The following MBNL2 variants were observed in gnomAD, a reference collection of about 807,000 sequenced individuals.
MBNL2 encodes the protein muscleblind like splicing regulator 2, also known as muscleblind-like protein 2.
Under a neutral mutation model 41.9 loss-of-function variants are expected in MBNL2, and 17 were observed. That is an observed-to-expected ratio of 0.41 (90% CI 0.28 to 0.61). The LOEUF (loss-of-function observed/expected upper bound fraction) is 0.61. Ranked by LOEUF, MBNL2 falls within the 20% of genes least tolerant of loss-of-function variation. MBNL2 has a pLI of 0.35. For synonymous variants in MBNL2, 195 were observed against 182.9 expected (o/e 1.07, Z -0.53); for missense variants, 336 against 505.6 (o/e 0.66, Z 3.22).
intron 2 of MBNL2, among the ~76,000 whole-genome samples, chr13:97,291,270 C>T (rs1218757920): frequency 6.6e-6 from 1 of 152,022 alleles, no homozygotes; most frequent in Admixed American, 6.5e-5. Context: ...GAGACAGAGT[C>T]TCACTCTGTT....
intron 2 of MBNL2, among the ~76,000 whole-genome samples, chr13:97,291,659 C>T (rs2056014234): frequency 6.6e-6 from 1 of 151,840 alleles, no homozygotes; most frequent in African/African-American, 2.4e-5. Context: ...ATTTGGGAAG[C>T]CGAGGTGGGC....
chr13:97,324,941 T>G (rs1037616146), intron 2 of MBNL2, among the ~76,000 whole-genome samples: 1 of 152,270 alleles, frequency 6.6e-6, no homozygotes, highest in African/African-American at 2.4e-5. Context: ...GCCGATTAGA[T>G]GGTGCCCACC....
chr13:97,306,600 T>C (rs1021523055), intron 2 of MBNL2, among the ~76,000 whole-genome samples: 1 of 152,252 alleles, frequency 6.6e-6, no homozygotes, highest in Non-Finnish European at 1.5e-5. Context: ...CCAGTGTGAC[T>C]GCCTGGGACA....
At chr13:97,322,460 T>C (rs967201063) in intron 2 of MBNL2, among the ~76,000 whole-genome samples, 1 of 152,178 alleles carries the variant, frequency 6.6e-6, no homozygotes, top group African/African-American at 2.4e-5. Context: ...ATGATGGGGT[T>C]ACATCAGAAA....
At chr13:97,271,451 A>C (rs1007051763) in intron 1 of MBNL2, among the ~76,000 whole-genome samples, 5 of 151,696 alleles carry the variant, frequency 3.3e-5, no homozygotes, top group African/African-American at 1.2e-4. Context: ...TTTCTAAAAA[A>C]AAACAAACAA....
At chr13:97,378,352 T>C (rs1460332737) in intron 8 of MBNL2, among the ~76,000 whole-genome samples, 1 of 152,232 alleles carries the variant, frequency 6.6e-6, no homozygotes, top group Admixed American at 6.5e-5. Flanking sequence ...TACTAACTTA[T>C]GTATGGTAAC....
At chr13:97,376,748 T>C (rs1043276960) in intron 8 of MBNL2, among the ~76,000 whole-genome samples, 10 of 152,170 alleles carry the variant, frequency 6.6e-5, no homozygotes, top group African/African-American at 2.4e-4. Context: ...CCAGCATCAA[T>C]TACATCATAG....
intron 3 of MBNL2, among the ~76,000 whole-genome samples, chr13:97,335,259 T>C (rs530728535): frequency 6.6e-6 from 1 of 152,272 alleles, no homozygotes; most frequent in South Asian, 2.1e-4. Context: ...CATTTACATT[T>C]GTGAATTATT....
chr13:97,197,671 G>C, the MBNL2 span, among the ~76,000 whole-genome samples: 1 of 152,078 alleles, frequency 6.6e-6, no homozygotes, highest in Non-Finnish European at 1.5e-5. Flanking sequence ...ATCTATGAAT[G>C]CATTACTACT....
At chr13:97,215,174 C>T in the MBNL2 span, among the ~76,000 whole-genome samples, 2 of 152,028 alleles carry the variant, frequency 1.3e-5, no homozygotes, top group Non-Finnish European at 2.9e-5. Flanking sequence ...CTTCAAATGC[C>T]CTTAGGCCTG....
intron 2 of MBNL2, among the ~76,000 whole-genome samples, chr13:97,300,806 G>A (rs1051290907): frequency 6.6e-6 from 1 of 152,176 alleles, no homozygotes; most frequent in African/African-American, 2.4e-5. Context: ...TTATAATCTG[G>A]TAGGAATTAT....
intron 2 of MBNL2, among the ~76,000 whole-genome samples, chr13:97,303,021 T>G (rs2057779709): frequency 6.6e-6 from 1 of 152,204 alleles, no homozygotes; most frequent in Admixed American, 6.5e-5. Context: ...GAGCAGGGAT[T>G]CGAACTGGGC....
chr13:97,276,178 G>A lies in MBNL2; in HGVS notation c.-58G>A. On this transcript the variant is annotated 5_prime_UTR_variant, in exon 2 of 9. Transcript: ENST00000679496. ...CACAACAGTAGTTTTGGAATCATTAGAACTTGGATTGATTTCATCATTTAA... is the reference window on the plus strand; with the variant it reads ...CACAACAGTAGTTTTGGAATCATTAAAACTTGGATTGATTTCATCATTTAA... 1.5e-6 allele frequency: 2 copies of A among 1,354,792 alleles called. No homozygotes were observed. The highest frequency in any genetic ancestry group is 2.4e-5 in the South Asian group (2 of 81,946). The allele number at this position is 1,354,792 out of a possible 1,614,324, so 83.9% of individuals were successfully genotyped here. A position where few individuals can be genotyped will look rare whatever the true frequency, so the allele number is the denominator to read the frequency against.
the MBNL2 span, among the ~76,000 whole-genome samples, chr13:97,152,662 C>T: frequency 6.6e-6 from 1 of 152,142 alleles, no homozygotes; most frequent in African/African-American, 2.4e-5. Context: ...ATTTCGAATA[C>T]ACTATTCTAT....
rs1162365611 is a variant in MBNL2 at position 97,287,828 on chromosome 13, TGATTCTCCTGCGTTCAAGC to T, written c.174+11431_174+11449del. Reference sequence around the variant, plus strand: ...GCAACCTCCGCCTCCTGGGTTCAAGTGATTCTCCTGCGTTCAAGCGATTCTCCTGCCTCAGCCTCCTGAG... The same window carrying T: ...GCAACCTCCGCCTCCTGGGTTCAAGTGATTCTCCTGCCTCAGCCTCCTGAG... On this transcript the variant is annotated intron_variant, in intron 2 of 8. Transcript: ENST00000679496. 3.8e-5 allele frequency among the ~76,000 whole-genome samples: 5 copies of T among 131,974 alleles called. 1 individual carries two copies. The highest frequency in any genetic ancestry group is 2.3e-4 in the Admixed American group (3 of 12,836). The allele number at this position is 131,974 out of a possible 152,430, so 86.6% of individuals were successfully genotyped here.
intron 1 of MBNL2, among the ~76,000 whole-genome samples, chr13:97,234,044 A>G (rs2042850020): frequency 6.6e-6 from 1 of 152,190 alleles, no homozygotes; most frequent in Admixed American, 6.5e-5. Context: ...TTATTAGCAC[A>G]ATTCCTGTCT....
At chr13:97,157,900 C>G in the MBNL2 span, among the ~76,000 whole-genome samples, 3 of 151,472 alleles carry the variant, frequency 2.0e-5, no homozygotes, top group African/African-American at 7.3e-5. Context: ...CAGAATGATG[C>G]TGGCCTCATA....
chr13:97,330,608 G>A (rs1360260647), intron 2 of MBNL2, among the ~76,000 whole-genome samples: 1 of 152,196 alleles, frequency 6.6e-6, no homozygotes. Flanking sequence ...TGACACCTCT[G>A]TTTTGTTTCA....
intron 1 of MBNL2, among the ~76,000 whole-genome samples, chr13:97,244,231 T>C (rs2044961126): frequency 6.6e-6 from 1 of 152,200 alleles, no homozygotes; most frequent in Non-Finnish European, 1.5e-5. Context: ...CGATAAAAAT[T>C]TTAAGAAACC....
Sources: allele counts gnomAD v4.1 joint callset (sites outside exome capture counted in the v4.1 genomes callset), GRCh38; gene constraint gnomAD v4.1.1; transcripts MANE v1.5; gene names NCBI Gene and HGNC (gene_info 2026-07-23, HGNC 2026-07-21).